Variants in CFAP65 observed in about 807,000 individuals in gnomAD.
CFAP65 encodes cilia- and flagella-associated protein 65.
CFAP65 carries 155 observed loss-of-function variants against 208.0 expected under a neutral mutation model. That is an observed-to-expected ratio of 0.75 (90% confidence interval 0.65 to 0.85). The LOEUF is 0.85. Among genes scored for constraint, CFAP65 ranks in the 40% least tolerant of loss-of-function variants. The probability of loss-of-function intolerance (pLI) is 0.00; values close to 1 mark genes in which losing one functional copy is unlikely to be tolerated. For missense variants in CFAP65, 2,294 were observed against 2,451.3 expected, an observed-to-expected ratio of 0.94 and a Z score of 1.36; for synonymous variants, 970 against 986.3, an observed-to-expected ratio of 0.98 and a Z score of 0.31.
Position 219,031,672 on chromosome 2 carries a change from C to A in CFAP65, c.646-14G>T, listed in dbSNP as rs369918139. ...CATGTACTCCTTCTGCAGTGTGAGGCGGGGCAGGGGCAGTCACCCATCAGT... is the reference window on the plus strand; with the variant it reads ...CATGTACTCCTTCTGCAGTGTGAGGAGGGGCAGGGGCAGTCACCCATCAGT... On this transcript the variant is annotated splice_polypyrimidine_tract_variant and intron_variant, in intron 6 of 34. Coordinates refer to ENST00000341552, the MANE Select transcript of CFAP65 (RefSeq NM_194302.4). The surrounding 1 kb of genome is among the most constrained non-coding windows in gnomAD (Gnocchi z 5.2). The A allele has an allele frequency of 5.0e-6, 8 of 1,589,074 alleles. No individual in the cohort carries two copies. Among genetic ancestry groups the A allele is most frequent in the Non-Finnish European group, 6.9e-6 (8 of 1,166,582 alleles).
chr2:219,009,077 C>T lies in CFAP65; in HGVS notation c.4644G>A (p.Val1548=). ...CTTTCATGTCGGTGATGGTGAACTC[C>T]ACTTCCTGCCGCACCTTCTCGTCCT... is the stretch of plus-strand genomic sequence containing the variant. ...EWKDEKVRQE[V]EFTITDMKVK... is the part of the protein sequence containing the mutation. The change falls in exon 29 of 35, where the codon GTG becomes GTA. Residue 1548 remains valine, a synonymous_variant. Coordinates refer to ENST00000341552, the MANE Select transcript of CFAP65 (RefSeq NM_194302.4). 6.2e-7 allele frequency: 1 copy of T among 1,612,894 alleles called. No homozygotes were observed. Among genetic ancestry groups the T allele is most frequent in the Non-Finnish European group, 8.5e-7 (1 of 1,179,952 alleles).
chr2:219,004,206 C>G lies in CFAP65; in HGVS notation c.5301G>C (p.Lys1767Asn). The G allele has an allele frequency of 6.2e-7, 1 of 1,613,998 alleles. No individual in the cohort carries two copies. The highest frequency in any genetic ancestry group is 8.5e-7 in the Non-Finnish European group (1 of 1,180,028). The change falls in exon 33 of 35, where the codon AAG becomes AAC. Residue 1767 changes from lysine to asparagine, a missense_variant. Physicochemically the swap from Lys to Asn is moderately conservative, Grantham distance 94. This residue lies in a region of CFAP65 where 1,427 missense variants were observed against 1,438.7 expected (regional missense o/e 0.99). Coordinates refer to ENST00000341552, the MANE Select transcript of CFAP65 (RefSeq NM_194302.4). The surrounding 1 kb of genome is among the most constrained non-coding windows in gnomAD (Gnocchi z 4.7). Reference sequence around the variant, plus strand: ...CCAACTCTTCTTCTTCCTCTTCACCCTTCTCCTCCTCCCCCTCTTCCTTCT... The same window carrying G: ...CCAACTCTTCTTCTTCCTCTTCACCGTTCTCCTCCTCCCCCTCTTCCTTCT... Reference protein sequence around the residue: ...LGKKEEGEEEKGEEEEEELEE... With the variant: ...LGKKEEGEEENGEEEEEELEE...
rs368389119 is a variant in CFAP65 at position 219,039,083 on chromosome 2, C to T, written c.-2-33G>A. ...AAATCAATCAAAGCATAAGTCAATC[C>T]ATCTCCAGAGCAGAGGGATCCTCGA... On this transcript the variant is annotated intron_variant, in intron 2 of 34. Transcript: ENST00000341552. 2.0e-5 allele frequency: 32 copies of T among 1,562,760 alleles called. No homozygotes were observed. In the African/African-American group the frequency reaches 4.2e-4, roughly 21 times the overall value.
Position 219,026,124 on chromosome 2 carries a change from G to A in CFAP65, c.2247C>T (p.Cys749=), listed in dbSNP as rs1947614921. ...TCAGGCACCAGGATGGGCACATGGT[G>A]CAGTCCTCCTCAATATTACTGTAGC... ...LQSYSNIEED[C]TMCPSWCLTV... The change falls in exon 14 of 35, where the codon TGC becomes TGT. Residue 749 remains cysteine (C), a synonymous_variant. Coordinates refer to ENST00000341552, the MANE Select transcript of CFAP65 (RefSeq NM_194302.4). 1 of 1,614,018 alleles carries A rather than the reference G, an allele frequency of 6.2e-7. No individual in the cohort carries two copies. Among genetic ancestry groups the A allele is most frequent in the Non-Finnish European group, 8.5e-7 (1 of 1,179,968 alleles).
At position 219,030,696 on chromosome 2, in the gene CFAP65, G is replaced by C; in HGVS notation, c.1154C>G (p.Pro385Arg). 1.2e-6 allele frequency: 2 copies of C among 1,613,096 alleles called. No homozygotes were observed. The highest frequency in any genetic ancestry group is 2.2e-5 in the South Asian group (2 of 91,022). Residue 385 changes from proline to arginine, a missense_variant, in exon 9 of 35, where the codon CCG (proline) becomes CGG (arginine). Pro to Arg is a moderately radical substitution (Grantham distance 103). Transcript: ENST00000341552. ...CTCCTGCCTGGTGCCTACCGCCGAC[G>C]GGTTGTGTAGCCTGATCTGCCTCTC... ...TSERQIRLHN[P>R]SAVNAPFRIE...
At chr2:219,025,565 G>A (rs1947574206) in intron 14 of CFAP65, among the ~76,000 whole-genome samples, 1 of 152,268 alleles carries the variant, frequency 6.6e-6, no homozygotes, top group Middle Eastern at 3.4e-3. Context: ...GCCTTGGGGT[G>A]GCCTGGGAAT....
chr2:219,029,854 G>A, intron 10 of CFAP65, 132 bp downstream of exon 10: 2 of 1,114,408 alleles, frequency 1.8e-6, no homozygotes, highest in South Asian at 1.5e-5. Flanking sequence ...TCCCCACAGG[G>A]CCACCAGGGG....
At chr2:219,016,729 C>T (rs962274048) in intron 21 of CFAP65, among the ~76,000 whole-genome samples, 2 of 152,326 alleles carry the variant, frequency 1.3e-5, no homozygotes, top group Middle Eastern at 3.4e-3. Flanking sequence ...AGCTGCTAAC[C>T]CATTCTCCTC....
At chr2:219,020,973 C>T (rs1360725205) in intron 19 of CFAP65, among the ~76,000 whole-genome samples, 179 bp downstream of exon 19, 1 of 152,230 alleles carries the variant, frequency 6.6e-6, no homozygotes, top group African/African-American at 2.4e-5. Context: ...TATGGACACT[C>T]ATCTGGACAG....
At chr2:219,027,239 T>C in intron 13 of CFAP65, 2 of 1,347,480 alleles carry the variant, frequency 1.5e-6, no homozygotes, top group Non-Finnish European at 9.5e-7. Flanking sequence ...ATCACAATTA[T>C]CTGGTGCTGC....
rs778587322 is a variant in CFAP65, at chr2:219,013,341, G to A, written c.3875C>T (p.Pro1292Leu). 50 of 1,613,540 alleles carry A rather than the reference G, an allele frequency of 3.1e-5. No individual in the cohort carries two copies. Among genetic ancestry groups the A allele is most frequent in the African/African-American group, 4.0e-5 (3 of 74,912 alleles). ...GGTGAAGTGCACATACTTCTGCTCCGGCTTCACTGTCACACCTATGAAATT... is the reference window on the plus strand; with the variant it reads ...GGTGAAGTGCACATACTTCTGCTCCAGCTTCACTGTCACACCTATGAAATT... Reference protein sequence around the residue: ...LLNFIGVTVKPEQKYVHFTST... With the variant: ...LLNFIGVTVKLEQKYVHFTST... The change falls in exon 24 of 35, where the codon CCG (proline) becomes CTG (leucine). Residue 1292 changes from proline (P) to leucine (L), a missense_variant. Around this residue, in one of 2 missense-constraint regions of CFAP65, gnomAD observed 1,427 missense variants for 1,438.7 expected, o/e 0.99. Coordinates refer to ENST00000341552, the MANE Select transcript of CFAP65 (RefSeq NM_194302.4).
At position 219,022,467 on chromosome 2, in the gene CFAP65, G is replaced by A. The variant is rs567371981; in HGVS notation, c.2821-138C>T. ...CTACCCTATGCCAGGCATTGTACACGGCACATGTATGGAGTCTCCCCAATC... is the reference window on the plus strand; with the variant it reads ...CTACCCTATGCCAGGCATTGTACACAGCACATGTATGGAGTCTCCCCAATC... On this transcript the variant is annotated intron_variant, in intron 16 of 34. Transcript: ENST00000341552. The A allele has an allele frequency of 2.5e-3, 2,367 of 936,126 alleles. 5 individuals carry two copies. The highest frequency in any genetic ancestry group is 3.4e-3 in the Non-Finnish European group (2,088 of 607,340). The allele number at this position is 936,126 out of a possible 1,614,324, so 58.0% of individuals were successfully genotyped here. A position where few individuals can be genotyped will look rare whatever the true frequency, so the allele number is the denominator to read the frequency against.
rs1430507516 is a variant in CFAP65 at position 219,026,957 on chromosome 2, A to C, written c.2211+693T>G. ...CGTGGTCCCAAGTTTAGAGATGAAA[A>C]GATCAGGACTCAGAGACATTAAGGA... On this transcript the variant is annotated intron_variant, in intron 13 of 34. Transcript: ENST00000341552. 4 of 986,614 alleles carry C rather than the reference A, an allele frequency of 4.1e-6. No homozygotes were observed. In the East Asian group the frequency reaches 3.4e-4, roughly 84 times the overall value. The allele number at this position is 986,614 out of a possible 1,614,324, so 61.1% of individuals were successfully genotyped here. A position where few individuals can be genotyped will look rare whatever the true frequency, so the allele number is the denominator to read the frequency against.
intron 27 of CFAP65, among the ~76,000 whole-genome samples, chr2:219,009,685 G>GTGGGC (rs1946312650): frequency 1.2e-5 from 1 of 83,040 alleles, no homozygotes; most frequent in African/African-American, 5.5e-5. Context: ...GTGGGGTGGG[G>GTGGGC]TGGGGTGGGA....
Position 219,031,260 on chromosome 2 carries a change from C to G in CFAP65, c.861G>C (p.Gln287His), listed in dbSNP as rs1948006739. Reference protein sequence around the residue: ...FFTWEFSSPFQMLPATGLLEP... With the variant: ...FFTWEFSSPFHMLPATGLLEP... ...CCAGGAGCCCCGTGGCGGGCAGCATCTGGAATGGGCTGGAGAACTCCCAGG... is the reference window on the plus strand; with the variant it reads ...CCAGGAGCCCCGTGGCGGGCAGCATGTGGAATGGGCTGGAGAACTCCCAGG... Residue 287 changes from glutamine (Q) to histidine (H), a missense_variant, in exon 8 of 35, where the codon CAG becomes CAC. By Grantham distance (24) the Gln-to-His change is conservative. Transcript: ENST00000341552. This position sits in a 1 kb window ranked among gnomAD's most constrained non-coding sequence, Gnocchi z 5.2. 6.2e-7 allele frequency: 1 copy of G among 1,613,906 alleles called. No homozygotes were observed. The highest frequency in any genetic ancestry group is 8.5e-7 in the Non-Finnish European group (1 of 1,179,932).
chr2:219,021,304 G>T, intron 18 of CFAP65, 24 bp from the exon 19 acceptor site: 3 of 1,547,240 alleles, frequency 1.9e-6, no homozygotes, highest in Non-Finnish European at 2.6e-6. Context: ...ATGCCGGAGG[G>T]TCAGTGGGTA....
intron 24 of CFAP65, 137 bp downstream of exon 24, chr2:219,013,122 G>A: frequency 1.5e-6 from 1 of 670,968 alleles, no homozygotes; most frequent in South Asian, 1.8e-5. Context: ...TGCCCAGTCT[G>A]GGGGTTCAAC....
rs952967820 is a variant in CFAP65, at chr2:219,031,598, G to A, written c.706C>T (p.Arg236Trp). 1.1e-5 allele frequency: 17 copies of A among 1,614,050 alleles called. No individual in the cohort carries two copies. The highest frequency in any genetic ancestry group is 1.7e-5 in the Admixed American group (1 of 59,992). The change falls in exon 7 of 35, where the codon CGG becomes TGG. Residue 236 changes from arginine (R) to tryptophan (W), a missense_variant. This residue lies in a region of CFAP65 where 867 missense variants were observed against 1,012.6 expected (regional missense o/e 0.86). Coordinates refer to ENST00000341552, the MANE Select transcript of CFAP65 (RefSeq NM_194302.4). This position sits in a 1 kb window ranked among gnomAD's most constrained non-coding sequence, Gnocchi z 5.2. ...AGCCTGTGGCAGGGCAGGGTGGCCC[G>A]TAGGCCGACACAGAACATCCCCTCC... ...KAEGMFCVGLRATLPCHRLIC... is the reference protein window; with the variant it reads ...KAEGMFCVGLWATLPCHRLIC...
At position 219,035,474 on chromosome 2, in the gene CFAP65, TG is replaced by T; in HGVS notation, c.542+5del. On this transcript the variant is annotated splice_donor_5th_base_variant and intron_variant, in intron 5 of 34. Transcript: ENST00000341552. ...GCACTGGGTCCTTGATCCCTTATAC[TG>T]GTACCTGTACTTCATCTTCTGGAGT... The T allele has an allele frequency of 6.2e-7, 1 of 1,614,146 alleles. No individual in the cohort carries two copies. The highest frequency in any genetic ancestry group is 8.5e-7 in the Non-Finnish European group (1 of 1,180,028).
Sources: gnomAD v4.1 joint callset for allele counts (sites outside exome capture counted in the v4.1 genomes callset) on GRCh38, gnomAD v4.1.1 for gene constraint, gnomAD v4.1.1 regional missense constraint, Gnocchi (gnomAD v3.1) non-coding constraint, MANE v1.5 for transcripts, NCBI Gene and HGNC (gene_info 2026-07-23, HGNC 2026-07-21) for gene names.